Variants in PPFIA1 observed in about 807,000 individuals in gnomAD.
PPFIA1 encodes liprin-alpha-1.
PPFIA1 carries 25 observed loss-of-function variants against 149.9 expected under a neutral mutation model. The ratio of observed to expected loss-of-function variants is 0.17; its 90% CI spans 0.12 to 0.23. The LOEUF (loss-of-function observed/expected upper bound fraction) is 0.23. PPFIA1 is among the 10% of genes least tolerant of loss of function. PPFIA1 has a pLI of 1.00. For missense variants in PPFIA1, 1,362 were observed against 1,506.5 expected (o/e 0.90, Z 1.59); for synonymous variants, 549 against 552.8 (o/e 0.99, Z 0.10).
rs553436637 is a variant in PPFIA1, at chr11:70,354,461, C to T, written c.2315+9C>T. 615 of 1,609,036 alleles carry T rather than the reference C, an allele frequency of 3.8e-4. 7 individuals carry two copies. The South Asian group carries it at 6.5e-3, about 17-fold the overall frequency. ...ATCAGGGACATAAGGAAGTAAGGAGCCTGCAGCAGCCCCATGCAGAGCGCA... is the reference window on the plus strand; with the variant it reads ...ATCAGGGACATAAGGAAGTAAGGAGTCTGCAGCAGCCCCATGCAGAGCGCA... On this transcript the variant is annotated intron_variant, in intron 17 of 27. Transcript: ENST00000253925.
chr11:70,339,320 G>T lies in PPFIA1; in HGVS notation c.1707+14G>T, dbSNP rs374543742. The T allele has an allele frequency of 1.2e-6, 2 of 1,608,738 alleles. No homozygotes were observed. Among genetic ancestry groups the T allele is most frequent in the Admixed American group, 1.7e-5 (1 of 59,496 alleles). ...GAGCCTTCCAAGGCAAGGTCTTTGT[G>T]TGAAATACCTCTGCTTACGTGAAAG... On this transcript the variant is annotated intron_variant, in intron 14 of 27. Coordinates refer to ENST00000253925, the MANE Select transcript of PPFIA1 (RefSeq NM_003626.5).
At chr11:70,373,771 T>C (rs2057371570) in intron 23 of PPFIA1, 1 of 152,170 alleles carries the variant, frequency 6.6e-6, no homozygotes, top group Non-Finnish European at 1.5e-5. Flanking sequence ...AAACTAAGGA[T>C]AAAAATATGG....
At chr11:70,377,907 A>T in intron 25 of PPFIA1, 123 bp from the exon 26 acceptor site, 1 of 795,728 alleles carries the variant, frequency 1.3e-6, no homozygotes. Context: ...TCAAGAAGGG[A>T]TTAAATACAT....
chr11:70,323,677 G>A (rs756060980), intron 2 of PPFIA1, among the ~76,000 whole-genome samples: 5 of 152,200 alleles, frequency 3.3e-5, no homozygotes, highest in African/African-American at 2.4e-5. Flanking sequence ...CCCTTAGAAC[G>A]ATCTCCAGAG....
At chr11:70,369,435 T>C (rs1351829649) in intron 21 of PPFIA1, among the ~76,000 whole-genome samples, 2 of 152,236 alleles carry the variant, frequency 1.3e-5, no homozygotes, top group Non-Finnish European at 2.9e-5. Flanking sequence ...TCTATAGTTT[T>C]GTTACATCTT....
chr11:70,342,964 T>C (rs1242484199), intron 14 of PPFIA1, among the ~76,000 whole-genome samples: 4 of 139,728 alleles, frequency 2.9e-5, no homozygotes. Flanking sequence ...TTTTTTTTTT[T>C]TGAGGCAGAG....
intron 11 of PPFIA1, among the ~76,000 whole-genome samples, chr11:70,336,608 T>C (rs1401660392): frequency 6.6e-6 from 1 of 152,304 alleles, no homozygotes; most frequent in Non-Finnish European, 1.5e-5. Flanking sequence ...CAAATAAATA[T>C]TCCAACCTCT....
intron 17 of PPFIA1, 77 bp downstream of exon 17, chr11:70,354,529 C>T: frequency 6.9e-7 from 1 of 1,442,780 alleles, no homozygotes; most frequent in Non-Finnish European, 9.3e-7. Context: ...ACAAATCTTT[C>T]CTTGAGTAAA....
intron 17 of PPFIA1, 28 bp from the exon 18 acceptor site, chr11:70,355,611 A>T (rs2056320133): frequency 1.3e-6 from 2 of 1,574,824 alleles, no homozygotes; most frequent in Non-Finnish European, 1.7e-6. Flanking sequence ...AAGGGCACAT[A>T]GTAAAGATCC....
intron 2 of PPFIA1, among the ~76,000 whole-genome samples, chr11:70,317,225 C>T (rs979807003): frequency 6.6e-6 from 1 of 151,952 alleles, no homozygotes; most frequent in Admixed American, 6.6e-5. Flanking sequence ...TAAGGTAGAT[C>T]ATTTATTGCA....
At chr11:70,301,630 T>C (rs2052490287) in intron 2 of PPFIA1, among the ~76,000 whole-genome samples, 2 of 152,162 alleles carry the variant, frequency 1.3e-5, no homozygotes, top group Non-Finnish European at 2.9e-5. Flanking sequence ...CTTAGAAATA[T>C]TTTTTTGTTC....
At chr11:70,324,055 T>C (rs965439617) in intron 2 of PPFIA1, among the ~76,000 whole-genome samples, 3 of 152,266 alleles carry the variant, frequency 2.0e-5, no homozygotes, top group Admixed American at 6.5e-5. Context: ...ATCACATGTC[T>C]GTGAGTCATT....
chr11:70,380,348 A>G (rs2057659841), intron 26 of PPFIA1, among the ~76,000 whole-genome samples: 1 of 151,822 alleles, frequency 6.6e-6, no homozygotes, highest in South Asian at 2.1e-4. Flanking sequence ...CGGGAGGATC[A>G]CGAGGTCAGG....
chr11:70,366,262 C>T (rs1385142267), intron 21 of PPFIA1, among the ~76,000 whole-genome samples: 4 of 152,114 alleles, frequency 2.6e-5, no homozygotes, highest in Admixed American at 2.6e-4. Context: ...GCTTAGGCAG[C>T]TTCTGAGATT....
At chr11:70,293,467 C>T (rs1444865996) in intron 2 of PPFIA1, among the ~76,000 whole-genome samples, 1 of 152,164 alleles carries the variant, frequency 6.6e-6, no homozygotes, top group African/African-American at 2.4e-5. Flanking sequence ...ATCACTGGAA[C>T]AATAGAGAAG....
chr11:70,280,512 T>A (rs936524145), intron 2 of PPFIA1, among the ~76,000 whole-genome samples: 3 of 152,186 alleles, frequency 2.0e-5, no homozygotes, highest in South Asian at 2.1e-4. Context: ...GAGGTTGCAG[T>A]GAGCCAAGAT....
chr11:70,370,994 G>A lies in PPFIA1; in HGVS notation c.2866-1221G>A, dbSNP rs191457257. ...CTAAAAATACAAAAATTAGTCAGGT[G>A]TGGTGGCTTGTGCTTGTAATCCCAG... On this transcript the variant is annotated intron_variant, in intron 21 of 27. Transcript: ENST00000253925. 3.7e-3 allele frequency among the ~76,000 whole-genome samples: 556 copies of A among 152,170 alleles called. 2 individuals carry two copies. The highest frequency in any genetic ancestry group is 5.9e-3 in the Non-Finnish European group (403 of 67,994).
At chr11:70,291,596 G>A (rs2051527016) in intron 2 of PPFIA1, among the ~76,000 whole-genome samples, 1 of 152,182 alleles carries the variant, frequency 6.6e-6, no homozygotes, top group South Asian at 2.1e-4. Flanking sequence ...TTTACAAACA[G>A]GAATTCAGTG....
intron 2 of PPFIA1, among the ~76,000 whole-genome samples, chr11:70,277,651 C>T (rs747133098): frequency 7.9e-5 from 12 of 152,006 alleles, no homozygotes; most frequent in African/African-American, 2.2e-4. Context: ...CCACCACATC[C>T]GGCTAATTGT....
Sources: gnomAD v4.1 joint callset for allele counts (sites outside exome capture counted in the v4.1 genomes callset) on GRCh38, gnomAD v4.1.1 for gene constraint, MANE v1.5 for transcripts, NCBI Gene and HGNC (gene_info 2026-07-23, HGNC 2026-07-21) for gene names.